TENM1: variants seen among roughly 807,000 people sequenced by gnomAD.
TENM1 encodes the protein teneurin transmembrane protein 1.
TENM1 carries 35 observed loss-of-function variants against 174.8 expected under a neutral mutation model. The ratio of observed to expected loss-of-function variants is 0.20; its 90% CI spans 0.15 to 0.27. The LOEUF (loss-of-function observed/expected upper bound fraction) is 0.27, where lower values mean the gene tolerates loss of function less well. Ranked by LOEUF, TENM1 falls within the 10% of genes least tolerant of loss-of-function variation. The pLI is 1.00. For missense variants in TENM1, 1,633 were observed against 2,130.1 expected (o/e 0.77, Z 4.59); for synonymous variants, 781 against 798.7 (o/e 0.98, Z 0.37).
intron 4 of TENM1, among the ~76,000 whole-genome samples, chrX:124,721,894 T>C (rs2053316907): frequency 8.9e-6 from 1 of 112,507 alleles, no homozygotes; most frequent in Non-Finnish European, 1.9e-5. Flanking sequence ...TGCATACTTA[T>C]ATATGTACAC....
In TENM1 at chrX:124,671,670, T is replaced by G; in HGVS notation, c.1168+13A>C. On this transcript the variant is annotated intron_variant, in intron 6 of 31. Transcript: ENST00000422452. ...GAAAAGTAATCAACAATCAATCATTTTGATCACTGTACCTTTTTTCTCTGA... is the reference window on the plus strand; with the variant it reads ...GAAAAGTAATCAACAATCAATCATTGTGATCACTGTACCTTTTTTCTCTGA... The G allele has an allele frequency of 8.3e-7, 1 of 1,198,975 alleles. No homozygotes were observed. The highest frequency in any genetic ancestry group is 1.1e-6 in the Non-Finnish European group (1 of 888,304).
chrX:124,645,147 C>T (rs768011781), exon 10 of TENM1: 40 of 1,207,141 alleles, frequency 3.3e-5, no homozygotes, highest in Non-Finnish European at 4.4e-5. Context: ...TCTGACCTTC[C>T]TCGCATATTT....
At chrX:124,977,939 A>AGTGTGTGTGT in the TENM1 span, among the ~76,000 whole-genome samples, 2 of 55,767 alleles carry the variant, frequency 3.6e-5, no homozygotes, top group Admixed American at 2.4e-4. Context: ...GGCTCTGTTT[A>AGTGTGTGTGT]GTGTGTGTGT....
chrX:125,194,594 A>C, the TENM1 span, among the ~76,000 whole-genome samples: 1 of 111,663 alleles, frequency 9.0e-6, no homozygotes, highest in Non-Finnish European at 1.9e-5. Context: ...CTCAGGAAAA[A>C]CACCATTTTC....
chrX:124,646,499 T>C (rs2051162741), intron 9 of TENM1, among the ~76,000 whole-genome samples: 2 of 112,215 alleles, frequency 1.8e-5, no homozygotes, highest in Admixed American at 1.9e-4. Flanking sequence ...AGGGCTATTG[T>C]AGGAAGTTGG....
the TENM1 span, among the ~76,000 whole-genome samples, chrX:125,014,074 AG>A: frequency 9.0e-6 from 1 of 111,624 alleles, no homozygotes; most frequent in African/African-American, 3.3e-5. Context: ...TAGACTCCTG[AG>A]GCACAGAAAT....
chrX:125,027,349 T>C, the TENM1 span, among the ~76,000 whole-genome samples: 1 of 111,322 alleles, frequency 9.0e-6, no homozygotes, highest in Non-Finnish European at 1.9e-5. Flanking sequence ...ACCTAATAAA[T>C]CTAGTAAAAG....
At chrX:124,721,824 G>A (rs2053315211) in intron 4 of TENM1, among the ~76,000 whole-genome samples, 1 of 111,949 alleles carries the variant, frequency 8.9e-6, no homozygotes, top group Non-Finnish European at 1.9e-5. Context: ...TACTTTCCAG[G>A]GTTTACAGTT....
intron 15 of TENM1, among the ~76,000 whole-genome samples, chrX:124,537,333 G>A (rs1453334711): frequency 9.0e-6 from 1 of 111,335 alleles, no homozygotes; most frequent in Non-Finnish European, 1.9e-5. Flanking sequence ...CAGGTACTAT[G>A]CCAGATACTT....
intron 1 of TENM1, among the ~76,000 whole-genome samples, chrX:124,942,047 C>T (rs2058336083): frequency 1.8e-5 from 2 of 111,421 alleles, no homozygotes; most frequent in African/African-American, 3.3e-5. Context: ...TCACTGGGTC[C>T]CTCTCATGAC....
At chrX:125,092,715 TTAAG>T in the TENM1 span, among the ~76,000 whole-genome samples, 1 of 111,692 alleles carries the variant, frequency 9.0e-6, no homozygotes, top group Non-Finnish European at 1.9e-5. Flanking sequence ...TGGAACAGAA[TTAAG>T]TAAGTGAATC....
At chrX:124,976,899 T>A in the TENM1 span, among the ~76,000 whole-genome samples, 1 of 112,163 alleles carries the variant, frequency 8.9e-6, no homozygotes, top group Non-Finnish European at 1.9e-5. Flanking sequence ...TACCAGCAAA[T>A]ATTCAGGAAG....
At chrX:125,104,971 A>C in the TENM1 span, among the ~76,000 whole-genome samples, 1 of 111,777 alleles carries the variant, frequency 8.9e-6, no homozygotes, top group South Asian at 3.7e-4. Context: ...TCTATTTTTA[A>C]AGGATTTGCC....
At chrX:124,473,184 G>T (rs1053354969) in intron 22 of TENM1, among the ~76,000 whole-genome samples, 3 of 111,383 alleles carry the variant, frequency 2.7e-5, no homozygotes, top group African/African-American at 9.8e-5. Flanking sequence ...GTTGGTAAAA[G>T]GGCAAATTAC....
chrX:124,462,076 C>T (rs1488426089), intron 22 of TENM1, among the ~76,000 whole-genome samples: 1 of 110,698 alleles, frequency 9.0e-6, no homozygotes, highest in Non-Finnish European at 1.9e-5. Context: ...CATGTCATCC[C>T]GTTTCTCTTT....
At chrX:124,503,513 A>C in intron 19 of TENM1, 47 bp downstream of exon 22, 1 of 1,132,517 alleles carries the variant, frequency 8.8e-7, no homozygotes, top group Non-Finnish European at 1.2e-6. Flanking sequence ...TATGTATTAT[A>C]CAGCATTAGG....
the TENM1 span, among the ~76,000 whole-genome samples, chrX:125,068,631 T>C: frequency 2.9e-4 from 33 of 111,880 alleles, no homozygotes; most frequent in African/African-American, 1.1e-3. Context: ...ATGAATGATT[T>C]CACAGGGGCA....
chrX:124,609,436 C>T (rs985042125), intron 11 of TENM1, among the ~76,000 whole-genome samples: 4 of 110,328 alleles, frequency 3.6e-5, no homozygotes, highest in South Asian at 3.8e-4. Flanking sequence ...TGGTTTTGAG[C>T]GAGACATGCT....
At chrX:124,959,721 T>C (rs757382599) in intron 1 of TENM1, among the ~76,000 whole-genome samples, 2 of 112,130 alleles carry the variant, frequency 1.8e-5, no homozygotes, top group African/African-American at 6.5e-5. Flanking sequence ...CTCCTCCTGC[T>C]GTGTTCCTTC....
Sources: allele counts gnomAD v4.1 joint callset (sites outside exome capture counted in the v4.1 genomes callset), GRCh38; gene constraint gnomAD v4.1.1; transcripts MANE v1.5; gene names NCBI Gene and HGNC (gene_info 2026-07-23, HGNC 2026-07-21).